The following GLT8D2 variants were observed in gnomAD, a reference collection of about 807,000 sequenced individuals.
GLT8D2 encodes glycosyltransferase 8 domain-containing protein 2.
GLT8D2 carries 45 observed loss-of-function variants against 44.5 expected under a neutral mutation model. The ratio of observed to expected loss-of-function variants is 1.01; its 90% CI spans 0.80 to 1.30. GLT8D2 has a LOEUF of 1.30. Ranked by LOEUF, GLT8D2 falls within the 50% of genes most tolerant of loss-of-function variation. GLT8D2 has a pLI of 0.00. For synonymous variants in GLT8D2, 156 were observed against 157.2 expected (o/e 0.99, Z 0.06); for missense variants, 400 against 430.4 (o/e 0.93, Z 0.62).
At chr12:104,021,944 A>AGAG (rs1877823880) in intron 1 of GLT8D2, among the ~76,000 whole-genome samples, 6 of 23,126 alleles carry the variant, frequency 2.6e-4, no homozygotes, top group East Asian at 1.1e-3. Context: ...AAGAAGAAGA[A>AGAG]GAAGAAGAAG....
At chr12:104,054,762 C>T (rs1353281123), upstream of GLT8D2, among the ~76,000 whole-genome samples, 4 of 152,112 alleles carry the variant, frequency 2.6e-5, no homozygotes, top group East Asian at 5.9e-4. Flanking sequence ...GTGTCTTTTG[C>T]CCTTTCTTCC....
At chr12:104,026,182 G>C (rs1476723627) in intron 1 of GLT8D2, among the ~76,000 whole-genome samples, 12 of 151,478 alleles carry the variant, frequency 7.9e-5, no homozygotes, top group Non-Finnish European at 1.3e-4. Flanking sequence ...GGGAGGCTGA[G>C]GCACAAGAAT....
At chr12:104,011,979 T>C (rs2723873) in intron 4 of GLT8D2, among the ~76,000 whole-genome samples, 150,783 of 151,644 alleles carry the variant, frequency 0.99, 74,964 homozygotes, top group Middle Eastern at 1. Flanking sequence ...TGAGACCAGC[T>C]TGACCAACAT....
intron 4 of GLT8D2, among the ~76,000 whole-genome samples, chr12:104,007,609 A>C (rs559943402): frequency 3.9e-5 from 6 of 152,208 alleles, no homozygotes; most frequent in African/African-American, 1.4e-4. Context: ...TTTGATCACT[A>C]TTTGATACAT....
intron 4 of GLT8D2, among the ~76,000 whole-genome samples, chr12:104,009,008 T>G (rs541943593): frequency 6.6e-6 from 1 of 152,336 alleles, no homozygotes; most frequent in East Asian, 1.9e-4. Context: ...GGGGGCCTCA[T>G]GGAGGACCTC....
At chr12:104,046,234 C>G (rs1350507176) in intron 1 of GLT8D2, among the ~76,000 whole-genome samples, 1 of 152,196 alleles carries the variant, frequency 6.6e-6, no homozygotes, top group Admixed American at 6.5e-5. Flanking sequence ...CTGCATATTA[C>G]AAAGCTATTG....
chr12:104,007,900 C>T (rs548175677), intron 4 of GLT8D2, among the ~76,000 whole-genome samples: 1 of 152,296 alleles, frequency 6.6e-6, no homozygotes, highest in South Asian at 2.1e-4. Flanking sequence ...GGGGTTTCTG[C>T]TTTTGCATCT....
At chr12:104,015,603 G>T (rs1313795900) in intron 3 of GLT8D2, among the ~76,000 whole-genome samples, 1 of 151,876 alleles carries the variant, frequency 6.6e-6, no homozygotes, top group East Asian at 1.9e-4. Context: ...CAAACAGAAA[G>T]AATTAACCTG....
intron 5 of GLT8D2, among the ~76,000 whole-genome samples, chr12:104,000,488 T>C (rs529955380): frequency 6.6e-6 from 1 of 152,264 alleles, no homozygotes; most frequent in South Asian, 2.1e-4. Context: ...TCCAGTAAAC[T>C]GCACACTGGA....
intron 1 of GLT8D2, among the ~76,000 whole-genome samples, chr12:104,042,808 T>A (rs937354460): frequency 1.8e-4 from 28 of 152,272 alleles, no homozygotes; most frequent in Admixed American, 5.2e-4. Flanking sequence ...TCTCATTATG[T>A]TTTAAGAAAG....
In GLT8D2 at chr12:104,016,736, A is replaced by G. The variant is rs1235546867; in HGVS notation, c.20-1631T>C. 4.4e-3 allele frequency among the ~76,000 whole-genome samples: 404 copies of G among 91,890 alleles called. 4 individuals carry two copies. The highest frequency in any genetic ancestry group is 6.8e-3 in the Non-Finnish European group (300 of 44,362). The allele number at this position is 91,890 out of a possible 152,430, so 60.3% of individuals were successfully genotyped here. On this transcript the variant is annotated intron_variant, in intron 3 of 10. Transcript: ENST00000360814. ...GAAAGAAAGAAAGAAAGAAAGAAAG[A>G]AAGAAAGAAAGAAAGAAAGAAAGAA...
At chr12:103,996,913 GA>G in intron 7 of GLT8D2, 66 bp from the exon 8 acceptor site, 1 of 1,044,986 alleles carries the variant, frequency 9.6e-7, no homozygotes, top group Non-Finnish European at 1.4e-6. Context: ...TAGAGCCTTA[GA>G]GCTTAAACAG....
intron 2 of GLT8D2, among the ~76,000 whole-genome samples, 171 bp downstream of exon 2, chr12:104,021,186 G>C (rs1877571636): frequency 6.6e-6 from 1 of 152,212 alleles, no homozygotes; most frequent in South Asian, 2.1e-4. Flanking sequence ...CCCCCTCAGG[G>C]AGAAAGCTAT....
chr12:103,989,481 A>G lies in GLT8D2; in HGVS notation c.977T>C (p.Val326Ala), dbSNP rs762281315. 3 of 1,613,700 alleles carry G rather than the reference A, an allele frequency of 1.9e-6. No individual in the cohort carries two copies. Among genetic ancestry groups the G allele is most frequent in the Non-Finnish European group, 2.5e-6 (3 of 1,179,790 alleles). Residue 326 changes from valine (V) to alanine (A), a missense_variant, in exon 11 of 11, where the codon GTT becomes GCT. By Grantham distance (64) the Val-to-Ala change is moderately conservative. Coordinates refer to ENST00000360814, the MANE Select transcript of GLT8D2 (RefSeq NM_001384711.1). ...CCAGCTTTCCCATAAGTCGTTGTGA[A>G]CACTAGGGAAGTCCCAAGGTTTATG... ...GRHKPWDFPS[V>A]HNDLWESWFV...
chr12:103,991,152 G>C (rs890207528), intron 10 of GLT8D2, among the ~76,000 whole-genome samples: 3 of 152,166 alleles, frequency 2.0e-5, no homozygotes, highest in Non-Finnish European at 2.9e-5. Flanking sequence ...TTTGGGAAGA[G>C]TATGTCCCTT....
chr12:103,996,502 G>A (rs531471087), intron 8 of GLT8D2, among the ~76,000 whole-genome samples: 1 of 152,334 alleles, frequency 6.6e-6, no homozygotes, highest in Admixed American at 6.5e-5. Context: ...CATGTTTCAG[G>A]TAAGGAAGGT....
In GLT8D2 at chr12:104,021,427, A is replaced by C. The variant is rs1344657415; in HGVS notation, c.-99T>G. 2 of 152,374 alleles carry C rather than the reference A, an allele frequency of 1.3e-5. No homozygotes were observed. The highest frequency in any genetic ancestry group is 2.4e-5 in the African/African-American group (1 of 41,420). The allele number at this position is 152,374 out of a possible 1,614,324, so 9.4% of individuals were successfully genotyped here. A position where few individuals can be genotyped will look rare whatever the true frequency, so the allele number is the denominator to read the frequency against. On this transcript the variant is annotated 5_prime_UTR_variant, in exon 2 of 11. It adds an upstream start codon to the 5' untranslated region. Transcript: ENST00000360814. ...AACAGATGTCCAATACTCAGCTCAC[A>C]ATCTTCTTCCACGCTCTGCACCTTC...
Position 104,014,231 on chromosome 12 carries a change from T to C in GLT8D2, c.112+782A>G, listed in dbSNP as rs1350800983. The C allele has an allele frequency of 5.8e-6, 4 of 694,974 alleles. No individual in the cohort carries two copies. The East Asian group carries it at 1.1e-4, about 19-fold the overall frequency. 43.1% of individuals were successfully genotyped at this position (694,974 alleles called of 1,614,324 possible). A position where few individuals can be genotyped will look rare whatever the true frequency, so the allele number is the denominator to read the frequency against. ...TTAGCTGGGCGTGGTGGCACACACC[T>C]GTAGTTCCAACTTCCTGGGGTGCTG... On this transcript the variant is annotated intron_variant, in intron 4 of 10. Transcript: ENST00000360814.
At chr12:104,060,107 T>C (rs775844969) in intron 1 of GLT8D2, among the ~76,000 whole-genome samples, 1 of 152,242 alleles carries the variant, frequency 6.6e-6, no homozygotes. Context: ...CTGACCTCTC[T>C]GTGGCTTTTG....
Sources: gnomAD v4.1 joint callset for allele counts (sites outside exome capture counted in the v4.1 genomes callset) on GRCh38, gnomAD v4.1.1 for gene constraint, MANE v1.5 for transcripts, NCBI Gene and HGNC (gene_info 2026-07-23, HGNC 2026-07-21) for gene names.